DIP2B: variants seen among roughly 807,000 people sequenced by gnomAD.
DIP2B encodes DIP2 acetate--CoA ligase B (putative).
A neutral mutation model predicts 198.0 loss-of-function variants in DIP2B; 76 were observed. That is an observed-to-expected ratio of 0.38 (90% CI 0.32 to 0.46). DIP2B has a LOEUF of 0.46. Ranked by LOEUF, DIP2B falls within the 20% of genes least tolerant of loss-of-function variation. DIP2B has a pLI of 0.99. For missense variants in DIP2B, 1,559 were observed against 1,978.4 expected (o/e 0.79, Z 4.02); for synonymous variants, 701 against 739.1 (o/e 0.95, Z 0.84).
chr12:50,542,948 C>T (rs1958339808), intron 1 of DIP2B, among the ~76,000 whole-genome samples: 1 of 151,108 alleles, frequency 6.6e-6, no homozygotes, highest in Admixed American at 6.6e-5. Context: ...GCTCATTGCA[C>T]CCTCTGCTTC....
chr12:50,624,195 T>C (rs1466621415), intron 1 of DIP2B, among the ~76,000 whole-genome samples: 3 of 152,206 alleles, frequency 2.0e-5, no homozygotes, highest in Non-Finnish European at 4.4e-5. Context: ...AAATCTCTCT[T>C]TCCTGAGTTC....
chr12:50,674,754 C>A, intron 6 of DIP2B, 125 bp downstream of exon 6: 1 of 1,177,474 alleles, frequency 8.5e-7, no homozygotes, highest in Non-Finnish European at 1.2e-6. Flanking sequence ...CCACTAATAA[C>A]TAATCCTGGG....
intron 3 of DIP2B, among the ~76,000 whole-genome samples, chr12:50,648,101 A>G (rs1015938665): frequency 3.9e-5 from 6 of 152,182 alleles, no homozygotes; most frequent in African/African-American, 1.4e-4. Flanking sequence ...TCGATGCTCC[A>G]ACACTCCGTC....
At chr12:50,584,065 CT>C (rs569756494) in intron 1 of DIP2B, among the ~76,000 whole-genome samples, 8 of 152,340 alleles carry the variant, frequency 5.3e-5, no homozygotes, top group African/African-American at 1.7e-4. Context: ...GGAGCTCAGT[CT>C]TGGGCTTCAC....
intron 1 of DIP2B, among the ~76,000 whole-genome samples, chr12:50,527,018 C>A (rs1270046038): frequency 6.6e-6 from 1 of 152,134 alleles, no homozygotes; most frequent in African/African-American, 2.4e-5. Flanking sequence ...TTTCTGTAGA[C>A]CAGACATTGT....
chr12:50,620,478 G>A (rs1937789770), intron 1 of DIP2B, among the ~76,000 whole-genome samples: 1 of 152,136 alleles, frequency 6.6e-6, no homozygotes, highest in Non-Finnish European at 1.5e-5. Flanking sequence ...ACAGCGTGTG[G>A]GTCGCAGACT....
intron 1 of DIP2B, among the ~76,000 whole-genome samples, chr12:50,522,126 G>A (rs558136922): frequency 1.3e-5 from 2 of 151,896 alleles, no homozygotes; most frequent in African/African-American, 4.8e-5. Context: ...TCAGCCCGCT[G>A]AGTAGCTGGG....
intron 3 of DIP2B, among the ~76,000 whole-genome samples, chr12:50,641,579 A>G (rs1938257464): frequency 6.6e-6 from 1 of 152,214 alleles, no homozygotes; most frequent in East Asian, 1.9e-4. Flanking sequence ...TAATTGATGG[A>G]GCTGAAAGAA....
chr12:50,521,173 G>A (rs1035831409), intron 1 of DIP2B, among the ~76,000 whole-genome samples: 1 of 137,782 alleles, frequency 7.3e-6, no homozygotes, highest in African/African-American at 2.7e-5. Context: ...GTGGCGCGAT[G>A]TCAGGTCACT....
At chr12:50,639,691 C>T (rs1202788744) in intron 2 of DIP2B, among the ~76,000 whole-genome samples, 3 of 151,834 alleles carry the variant, frequency 2.0e-5, no homozygotes, top group African/African-American at 7.3e-5. Context: ...ATATATTAGG[C>T]ATTTAATTTG....
intron 23 of DIP2B, among the ~76,000 whole-genome samples, chr12:50,717,054 C>T (rs899351696): frequency 1.4e-5 from 2 of 146,148 alleles, no homozygotes; most frequent in African/African-American, 5.0e-5. Flanking sequence ...CTCTGCCACC[C>T]AGGATCCAAC....
chr12:50,509,845 A>G (rs1330966692), intron 1 of DIP2B, among the ~76,000 whole-genome samples: 1 of 152,200 alleles, frequency 6.6e-6, no homozygotes, highest in Non-Finnish European at 1.5e-5. Context: ...ATACACCTTT[A>G]TCAAAGTTCT....
Position 50,747,083 on chromosome 12 carries a change from A to G in DIP2B, c.*2244A>G, listed in dbSNP as rs1940350574. ...AGCTCAAAAACACTATCATTTCAAC[A>G]TAGGATCAATATAAAAATTATTAAT... On this transcript the variant is annotated 3_prime_UTR_variant, in exon 38 of 38. Coordinates refer to ENST00000301180, the MANE Select transcript of DIP2B (RefSeq NM_173602.3). 1 of 152,220 alleles carries G rather than the reference A, an allele frequency of 6.6e-6. No individual in the cohort carries two copies. The highest frequency in any genetic ancestry group is 2.4e-5 in the African/African-American group (1 of 41,450). 9.4% of individuals were successfully genotyped at this position (152,220 alleles called of 1,614,324 possible).
rs1043952527 is a variant in DIP2B, at chr12:50,704,055, A to G, written c.2326-85A>G. 1.4e-5 allele frequency: 16 copies of G among 1,113,930 alleles called. No homozygotes were observed. In the African/African-American group the frequency reaches 1.9e-4, roughly 13 times the overall value. The allele number at this position is 1,113,930 out of a possible 1,614,324, so 69.0% of individuals were successfully genotyped here. A position where few individuals can be genotyped will look rare whatever the true frequency, so the allele number is the denominator to read the frequency against. ...CTATTACATTATTTTTTCACTGAGC[A>G]TGTATTTTAATAAAACTTTTTAAAA... On this transcript the variant is annotated intron_variant, in intron 19 of 37. Transcript: ENST00000301180.
At chr12:50,531,318 G>T (rs1021627628) in intron 1 of DIP2B, among the ~76,000 whole-genome samples, 4 of 152,112 alleles carry the variant, frequency 2.6e-5, no homozygotes, top group African/African-American at 9.7e-5. Flanking sequence ...AGAGTGCTGG[G>T]ATTATAGGTG....
chr12:50,597,074 CT>C (rs1343678951), intron 1 of DIP2B, among the ~76,000 whole-genome samples: 2 of 152,020 alleles, frequency 1.3e-5, no homozygotes, highest in African/African-American at 4.8e-5. Flanking sequence ...ATTCTATGGC[CT>C]TTTAGGCAAA....
chr12:50,674,316 T>A (rs1938907043), intron 5 of DIP2B, among the ~76,000 whole-genome samples, 158 bp from the exon 6 acceptor site: 1 of 152,256 alleles, frequency 6.6e-6, no homozygotes, highest in Non-Finnish European at 1.5e-5. Flanking sequence ...TCTCCCATTG[T>A]GTCTTGCTAA....
Position 50,731,507 on chromosome 12 carries a change from AGGTCTT to A in DIP2B, c.3783_3788del (p.Leu1262_Gly1263del), listed in dbSNP as rs1166603543. 6.2e-7 allele frequency: 1 copy of A among 1,613,788 alleles called. No individual in the cohort carries two copies. Among genetic ancestry groups the A allele is most frequent in the Non-Finnish European group, 8.5e-7 (1 of 1,179,806 alleles). ...ATTCAGTGATGGAGCTCTGCACCAA[AGGTCTT>A]GGGAACCAAGTGGAAGTGCTAAAGG... is the stretch of plus-strand genomic sequence containing the variant. On this transcript the variant is annotated inframe_deletion, in exon 31 of 38. Transcript: ENST00000301180.
intron 3 of DIP2B, 103 bp from the exon 4 acceptor site, chr12:50,660,089 CCT>C: frequency 1.0e-6 from 1 of 989,796 alleles, no homozygotes; most frequent in Non-Finnish European, 1.4e-6. Context: ...GTCCCCTTTA[CCT>C]TTTTTTTTTT....
Sources: gnomAD v4.1 joint callset for allele counts (sites outside exome capture counted in the v4.1 genomes callset) on GRCh38, gnomAD v4.1.1 for gene constraint, MANE v1.5 for transcripts, NCBI Gene and HGNC (gene_info 2026-07-23, HGNC 2026-07-21) for gene names.